Variants in DAPK1 observed in about 807,000 individuals in gnomAD.
The protein encoded by DAPK1 is death-associated protein kinase 1.
Under a neutral mutation model 144.9 loss-of-function variants are expected in DAPK1, and 56 were observed. That is an observed-to-expected ratio of 0.39 (90% CI 0.31 to 0.48). The LOEUF (loss-of-function observed/expected upper bound fraction) is 0.48, where lower values mean the gene tolerates loss of function less well. Ranked by LOEUF, DAPK1 falls within the 20% of genes least tolerant of loss-of-function variation. The probability of loss-of-function intolerance (pLI) is 0.95; values close to 1 mark genes in which losing one functional copy is unlikely to be tolerated. For missense variants in DAPK1, 1,454 were observed against 1,875.4 expected (o/e 0.78, Z 4.15); for synonymous variants, 690 against 749.0 (o/e 0.92, Z 1.29).
chr9:87,627,866 T>C (rs1485601120), intron 3 of DAPK1, among the ~76,000 whole-genome samples: 1 of 152,208 alleles, frequency 6.6e-6, no homozygotes, highest in Non-Finnish European at 1.5e-5. Context: ...CTGCGGGGAA[T>C]ATTGCACCGT....
chr9:87,632,921 T>TAA lies in DAPK1; in HGVS notation c.285-5020_285-5019dup, dbSNP rs1564033112. The stretch of plus-strand genomic sequence containing the variant: ...GAGGATGAGTATATATATATATATA[T>TAA]AAATGAAGGGTGATCAGTATATACG... On this transcript the variant is annotated intron_variant, in intron 3 of 25. Transcript: ENST00000408954. The TAA allele has an allele frequency of 2.8e-5, 25 of 899,802 alleles. 1 individual carries two copies. Among genetic ancestry groups the TAA allele is most frequent in the African/African-American group, 4.1e-5 (2 of 49,106 alleles). The allele number at this position is 899,802 out of a possible 1,614,324, so 55.7% of individuals were successfully genotyped here.
intron 2 of DAPK1, among the ~76,000 whole-genome samples, chr9:87,524,889 G>A (rs1825432337): frequency 6.6e-6 from 1 of 152,150 alleles, no homozygotes; most frequent in African/African-American, 2.4e-5. Context: ...GGACTTAGAG[G>A]GAAAGGGTGG....
intron 2 of DAPK1, among the ~76,000 whole-genome samples, chr9:87,517,344 A>G (rs988390275): frequency 6.6e-6 from 1 of 151,906 alleles, no homozygotes; most frequent in African/African-American, 2.4e-5. Context: ...CTCTGAAGGC[A>G]TTCCTGAGAC....
intron 2 of DAPK1, among the ~76,000 whole-genome samples, chr9:87,533,614 T>C (rs1222502232): frequency 6.6e-6 from 1 of 152,186 alleles, no homozygotes; most frequent in Non-Finnish European, 1.5e-5. Flanking sequence ...TTTTTTATGA[T>C]AGGAACAATT....
At chr9:87,551,288 C>T (rs1826473783) in intron 2 of DAPK1, among the ~76,000 whole-genome samples, 1 of 152,072 alleles carries the variant, frequency 6.6e-6, no homozygotes, top group African/African-American at 2.4e-5. Flanking sequence ...GCTGGGATTA[C>T]AGGCGCCCAC....
At chr9:87,666,144 GCTT>G (rs1831044591) in intron 18 of DAPK1, among the ~76,000 whole-genome samples, 1 of 152,202 alleles carries the variant, frequency 6.6e-6, no homozygotes, top group African/African-American at 2.4e-5. Context: ...AACACTGCTT[GCTT>G]CTTCTGTGCC....
chr9:87,627,604 G>A (rs1829535512), intron 3 of DAPK1, among the ~76,000 whole-genome samples: 1 of 152,106 alleles, frequency 6.6e-6, no homozygotes, highest in South Asian at 2.1e-4. Flanking sequence ...TGTAGCCATG[G>A]CCCACCTTCC....
intron 2 of DAPK1, among the ~76,000 whole-genome samples, chr9:87,577,427 G>A (rs964404261): frequency 4.6e-5 from 7 of 152,110 alleles, no homozygotes; most frequent in Admixed American, 1.3e-4. Flanking sequence ...TTTAAAATAC[G>A]AAAGCCAGGG....
chr9:87,671,065 G>A (rs1831233570), intron 19 of DAPK1, among the ~76,000 whole-genome samples: 1 of 152,228 alleles, frequency 6.6e-6, no homozygotes, highest in Admixed American at 6.5e-5. Context: ...AGCCGGGGAT[G>A]GTCGGATCGG....
At chr9:87,641,261 G>A (rs1830083212) in intron 9 of DAPK1, among the ~76,000 whole-genome samples, 1 of 152,220 alleles carries the variant, frequency 6.6e-6, no homozygotes, top group Non-Finnish European at 1.5e-5. Context: ...AGTGGCACAG[G>A]TGCCTTGGTG....
At chr9:87,531,555 G>A (rs941193962) in intron 2 of DAPK1, among the ~76,000 whole-genome samples, 3 of 152,136 alleles carry the variant, frequency 2.0e-5, no homozygotes, top group African/African-American at 7.2e-5. Context: ...GCAAACCTGT[G>A]CTGCAATATT....
At chr9:87,661,568 A>T (rs1356836401) in intron 18 of DAPK1, among the ~76,000 whole-genome samples, 1 of 152,050 alleles carries the variant, frequency 6.6e-6, no homozygotes, top group Non-Finnish European at 1.5e-5. Flanking sequence ...CATGTCTCTG[A>T]TGATTGGTGA....
At chr9:87,664,347 A>T (rs36215719) in intron 18 of DAPK1, among the ~76,000 whole-genome samples, 7 of 152,184 alleles carry the variant, frequency 4.6e-5, no homozygotes, top group African/African-American at 1.7e-4. Flanking sequence ...GCATCAGCAC[A>T]CACAGGCACA....
At chr9:87,637,254 C>T (rs1300327095) in intron 3 of DAPK1, among the ~76,000 whole-genome samples, 3 of 152,096 alleles carry the variant, frequency 2.0e-5, no homozygotes, top group African/African-American at 7.2e-5. Flanking sequence ...TCACCATGCC[C>T]AGTTGTTTTT....
At chr9:87,649,441 G>C (rs1045639220) in intron 15 of DAPK1, among the ~76,000 whole-genome samples, 1 of 152,190 alleles carries the variant, frequency 6.6e-6, no homozygotes, top group Non-Finnish European at 1.5e-5. Context: ...CTCACCTTGT[G>C]TTGTAAACAT....
chr9:87,652,298 C>CCGGGTCCTGATTCTGTGTCCTCT (rs1830474301), intron 17 of DAPK1, among the ~76,000 whole-genome samples: 8 of 118,156 alleles, frequency 6.8e-5, no homozygotes, highest in Admixed American at 4.3e-4. Flanking sequence ...CTGTGTCCTC[C>CCGGGTCCTGATTCTGTGTCCTCT]CACCTGATCC....
chr9:87,517,143 T>C (rs928060902), intron 2 of DAPK1, among the ~76,000 whole-genome samples: 1 of 151,838 alleles, frequency 6.6e-6, no homozygotes, highest in South Asian at 2.1e-4. Context: ...AAGAATGCGA[T>C]TGGGGGCAGG....
intron 3 of DAPK1, among the ~76,000 whole-genome samples, chr9:87,617,551 C>G (rs921464294): frequency 6.6e-6 from 1 of 152,218 alleles, no homozygotes; most frequent in African/African-American, 2.4e-5. Context: ...CTCATTCCCC[C>G]TTCAGATCAC....
At chr9:87,549,223 G>A (rs780086101) in intron 2 of DAPK1, among the ~76,000 whole-genome samples, 1 of 152,076 alleles carries the variant, frequency 6.6e-6, no homozygotes, top group Non-Finnish European at 1.5e-5. Flanking sequence ...AGTTTGCTGA[G>A]GATAATGGCC....
Sources: allele counts gnomAD v4.1 joint callset (sites outside exome capture counted in the v4.1 genomes callset), GRCh38; gene constraint gnomAD v4.1.1; transcripts MANE v1.5; gene names NCBI Gene and HGNC (gene_info 2026-07-23, HGNC 2026-07-21).